Variants in DLGAP2 observed in about 807,000 individuals in gnomAD.
DLGAP2 encodes the protein disks large-associated protein 2.
Under a neutral mutation model 100.3 loss-of-function variants are expected in DLGAP2, and 26 were observed. That is an observed-to-expected ratio of 0.26 (90% CI 0.19 to 0.36). DLGAP2 has a LOEUF of 0.36. DLGAP2 is among the 10% of genes least tolerant of loss of function. The pLI is 1.00. For synonymous variants in DLGAP2, 886 were observed against 630.1 expected, an observed-to-expected ratio of 1.41 and a Z score of -6.08; for missense variants, 1,858 against 1,453.2, an observed-to-expected ratio of 1.28 and a Z score of -4.53.
At chr8:1,110,136 A>T (rs554193138) in intron 2 of DLGAP2, among the ~76,000 whole-genome samples, 11 of 123,474 alleles carry the variant, frequency 8.9e-5, no homozygotes, top group African/African-American at 2.9e-4. Flanking sequence ...CGTGCCTGTG[A>T]TGTGTACTGT....
At chr8:1,440,123 C>T (rs916627702) in intron 3 of DLGAP2, among the ~76,000 whole-genome samples, 5 of 152,074 alleles carry the variant, frequency 3.3e-5, no homozygotes, top group African/African-American at 4.8e-5. Context: ...GATTTTACTC[C>T]TCTTCATTTT....
At chr8:986,155 AG>A (rs925088096) in intron 2 of DLGAP2, among the ~76,000 whole-genome samples, 19 of 151,960 alleles carry the variant, frequency 1.3e-4, no homozygotes, top group African/African-American at 4.6e-4. Flanking sequence ...ACTTATTAGT[AG>A]GGAGTGTGAC....
intron 3 of DLGAP2, among the ~76,000 whole-genome samples, chr8:1,444,590 G>A (rs987780001): frequency 3.3e-5 from 5 of 151,718 alleles, no homozygotes; most frequent in South Asian, 2.1e-4. Flanking sequence ...CCGTGATTCC[G>A]AGAACCCTCC....
At chr8:1,582,074 C>G (rs986357716) in intron 6 of DLGAP2, among the ~76,000 whole-genome samples, 1 of 149,422 alleles carries the variant, frequency 6.7e-6, no homozygotes, top group Admixed American at 6.7e-5. Context: ...GTGAAGGATA[C>G]AGACAAAACC....
intron 2 of DLGAP2, among the ~76,000 whole-genome samples, chr8:1,097,015 A>G (rs1184821117): frequency 9.8e-4 from 70 of 71,762 alleles, no homozygotes; most frequent in Middle Eastern, 0.012. Flanking sequence ...CAGGAGAGTC[A>G]AGCTGGGAGC....
intron 3 of DLGAP2, among the ~76,000 whole-genome samples, chr8:1,426,222 G>C (rs559964223): frequency 6.6e-6 from 1 of 152,294 alleles, no homozygotes; most frequent in East Asian, 1.9e-4. Context: ...AATTCAAAAT[G>C]ATGAGAACAG....
intron 3 of DLGAP2, among the ~76,000 whole-genome samples, chr8:1,371,325 G>T (rs1336178756): frequency 6.6e-6 from 1 of 152,184 alleles, no homozygotes; most frequent in Non-Finnish European, 1.5e-5. Context: ...CTTGGACCTG[G>T]CTGGTGCTGT....
chr8:1,186,699 G>A lies in DLGAP2; in HGVS notation c.74-72152G>A, dbSNP rs1394563413. Among the ~76,000 whole-genome samples the A allele has an allele frequency of 2.6e-5, 4 of 152,240 alleles. No individual in the cohort carries two copies. The East Asian group carries it at 7.7e-4, about 29-fold the overall frequency. On this transcript the variant is annotated intron_variant, in intron 2 of 14. Coordinates refer to ENST00000637795, the MANE Select transcript of DLGAP2 (RefSeq NM_001346810.2). ...GAGGTTGGGACTGGGGGGCCTTTCTGAGCTGATATTCTGTTGTGAATATCT... is the reference window on the plus strand; with the variant it reads ...GAGGTTGGGACTGGGGGGCCTTTCTAAGCTGATATTCTGTTGTGAATATCT...
chr8:1,077,392 A>G (rs1803656140), intron 2 of DLGAP2, among the ~76,000 whole-genome samples: 1 of 152,160 alleles, frequency 6.6e-6, no homozygotes, highest in Non-Finnish European at 1.5e-5. Context: ...GTCCCATCAT[A>G]TCCGTGGTTC....
intron 1 of DLGAP2, among the ~76,000 whole-genome samples, chr8:838,080 T>G (rs146988214): frequency 6.6e-6 from 1 of 152,040 alleles, no homozygotes; most frequent in East Asian, 1.9e-4. Context: ...AGCTACTCTG[T>G]GTGGATCCTG....
intron 2 of DLGAP2, among the ~76,000 whole-genome samples, chr8:1,202,241 AGTGTGTGTGT>A (rs36230610): frequency 0.029 from 4,374 of 149,218 alleles, 94 homozygotes; most frequent in African/African-American, 0.061. Flanking sequence ...GTATAGATGC[AGTGTGTGTGT>A]GTGTGTGTGT....
intron 3 of DLGAP2, among the ~76,000 whole-genome samples, chr8:1,354,107 C>T (rs1242586563): frequency 6.6e-6 from 1 of 152,200 alleles, no homozygotes; most frequent in Non-Finnish European, 1.5e-5. Flanking sequence ...TCATTAACTT[C>T]ACCCAGAAAT....
At chr8:1,108,331 T>C (rs957508456) in intron 2 of DLGAP2, among the ~76,000 whole-genome samples, 1 of 152,178 alleles carries the variant, frequency 6.6e-6, no homozygotes, top group African/African-American at 2.4e-5. Context: ...GTTAACCACT[T>C]TCAGCATTAA....
intron 3 of DLGAP2, among the ~76,000 whole-genome samples, chr8:1,316,771 G>A (rs72621156): frequency 2.1e-5 from 3 of 140,334 alleles, no homozygotes; most frequent in Non-Finnish European, 3.0e-5. Flanking sequence ...TGCGAGTACA[G>A]CGTCTCTCCC....
intron 1 of DLGAP2, chr8:754,377 A>G (rs1305079531): frequency 6.6e-6 from 1 of 152,258 alleles, no homozygotes; most frequent in Non-Finnish European, 1.5e-5. Flanking sequence ...CAGGACTGAC[A>G]GAAGCCAAGA....
At chr8:1,255,255 CGGGTGCTGTGTGTGTGTCCTCTCCTGCCT>C (rs1799168941) in intron 2 of DLGAP2, among the ~76,000 whole-genome samples, 2 of 72,734 alleles carry the variant, frequency 2.7e-5, no homozygotes, top group African/African-American at 1.9e-4. Flanking sequence ...TCATCCTGCC[CGGGTGCTGTGTGTGTGTCCTCTCCTGCCT>C]GGGTGCTGTG....
At chr8:979,291 C>T (rs758891859) in intron 2 of DLGAP2, among the ~76,000 whole-genome samples, 5 of 152,112 alleles carry the variant, frequency 3.3e-5, no homozygotes, top group Non-Finnish European at 7.4e-5. Context: ...TACTGACATC[C>T]GAAGGAGTGG....
intron 7 of DLGAP2, 125 bp downstream of exon 7, chr8:1,627,012 AC>A (rs1318818692): frequency 8.4e-7 from 1 of 1,195,380 alleles, no homozygotes; most frequent in Non-Finnish European, 1.1e-6. Flanking sequence ...GCAAGGCTAC[AC>A]CAAAGGGGGT....
At chr8:1,165,698 T>TTGCTGTGCAGGTGTTACAAACAA (rs1380603405) in intron 2 of DLGAP2, among the ~76,000 whole-genome samples, 2 of 152,250 alleles carry the variant, frequency 1.3e-5, no homozygotes, top group African/African-American at 4.8e-5. Flanking sequence ...TTAGCTCAGT[T>TTGCTGTGCAGGTGTTACAAACAA]TGCTGTGCAG....
Sources: gnomAD v4.1 joint callset for allele counts (sites outside exome capture counted in the v4.1 genomes callset) on GRCh38, gnomAD v4.1.1 for gene constraint, MANE v1.5 for transcripts, NCBI Gene and HGNC (gene_info 2026-07-23, HGNC 2026-07-21) for gene names.